Variants in ARL8B observed in about 807,000 individuals in gnomAD.
ARL8B encodes ARF like GTPase 8B.
A neutral mutation model predicts 30.6 loss-of-function variants in ARL8B; 9 were observed. That is an observed-to-expected ratio of 0.29 (90% CI 0.18 to 0.51). The LOEUF is 0.51. Ranked by LOEUF, ARL8B falls within the 20% of genes least tolerant of loss-of-function variation. The pLI is 0.97. For synonymous variants in ARL8B, 74 were observed against 76.0 expected (o/e 0.97, Z 0.14); for missense variants, 130 against 227.2 (o/e 0.57, Z 2.75).
chr3:5,164,348 TTC>T (rs564577936), intron 1 of ARL8B, among the ~76,000 whole-genome samples: 27 of 152,370 alleles, frequency 1.8e-4, no homozygotes, highest in Admixed American at 1.6e-3. Flanking sequence ...CTGATTTGTC[TTC>T]TGTTTTGAGA....
chr3:5,151,521 C>G (rs1443513108), intron 1 of ARL8B, among the ~76,000 whole-genome samples: 1 of 152,140 alleles, frequency 6.6e-6, no homozygotes, highest in Non-Finnish European at 1.5e-5. Flanking sequence ...TGACATGTTT[C>G]TCATTTAGTT....
intron 1 of ARL8B, among the ~76,000 whole-genome samples, chr3:5,145,000 G>C (rs2054406179): frequency 6.6e-6 from 1 of 152,192 alleles, no homozygotes; most frequent in African/African-American, 2.4e-5. Context: ...ATAATTCACA[G>C]GTTTGGGCCA....
Position 5,122,527 on chromosome 3 carries a change from T to C in ARL8B, c.62T>C (p.Met21Thr). The C allele has an allele frequency of 6.2e-7, 1 of 1,613,280 alleles. No homozygotes were observed. The highest frequency in any genetic ancestry group is 8.5e-7 in the Non-Finnish European group (1 of 1,179,642). ...CGTTCGCTCTTCTGGAAGGAAGAGA[T>C]GGAGCTGACGCTCGTGGGGCTGCAG... The part of the protein sequence containing the change: ...WFRSLFWKEE[M>T]ELTLVGLQYS... Residue 21 changes from methionine (M) to threonine (T), a missense_variant, in exon 1 of 7, where the codon ATG (methionine) becomes ACG (threonine). Coordinates refer to ENST00000256496, the MANE Select transcript of ARL8B (RefSeq NM_018184.3).
chr3:5,159,602 CAAAAAA>C (rs71053495), intron 1 of ARL8B, among the ~76,000 whole-genome samples: 20 of 77,068 alleles, frequency 2.6e-4, no homozygotes, highest in African/African-American at 8.0e-4. Flanking sequence ...AACTCCGTCT[CAAAAAA>C]AAAAAAAAAA....
intron 1 of ARL8B, among the ~76,000 whole-genome samples, chr3:5,150,593 G>C (rs1343001396): frequency 6.6e-6 from 1 of 150,804 alleles, no homozygotes. Flanking sequence ...GACCAGCCTG[G>C]CCAACATGGT....
At chr3:5,134,352 A>G (rs76861466) in intron 1 of ARL8B, among the ~76,000 whole-genome samples, 9,316 of 152,280 alleles carry the variant, frequency 0.061, 393 homozygotes, top group East Asian at 0.15. Flanking sequence ...TCTGCCCAGA[A>G]GAGGTCTTTA....
intron 1 of ARL8B, among the ~76,000 whole-genome samples, chr3:5,157,472 C>CA (rs1284403560): frequency 1.4e-5 from 2 of 143,366 alleles, no homozygotes; most frequent in Admixed American, 6.9e-5. Flanking sequence ...GAAGGAATCG[C>CA]AAAAAAACAA....
chr3:5,144,379 C>T lies in ARL8B; in HGVS notation c.123+21791C>T, dbSNP rs151008320. 7.4e-3 allele frequency among the ~76,000 whole-genome samples: 1,131 copies of T among 152,310 alleles called. 6 individuals carry two copies. Among genetic ancestry groups the T allele is most frequent in the Non-Finnish European group, 0.011 (754 of 68,028 alleles). ...CCTCCTGTGGCCTGTTTTCTAATCACCTTTTTGTTTATCCTTTGACAAGTT... is the reference window on the plus strand; with the variant it reads ...CCTCCTGTGGCCTGTTTTCTAATCATCTTTTTGTTTATCCTTTGACAAGTT... On this transcript the variant is annotated intron_variant, in intron 1 of 6. Transcript: ENST00000256496.
At chr3:5,125,288 G>C (rs992559210) in intron 1 of ARL8B, among the ~76,000 whole-genome samples, 3 of 152,082 alleles carry the variant, frequency 2.0e-5, no homozygotes, top group African/African-American at 4.8e-5. Flanking sequence ...GTAATTGGGC[G>C]TACCTGTTTA....
chr3:5,171,573 C>G (rs1482068306), intron 2 of ARL8B, among the ~76,000 whole-genome samples: 2 of 152,134 alleles, frequency 1.3e-5, no homozygotes, highest in South Asian at 2.1e-4. Flanking sequence ...GTCTCGAACT[C>G]CTGACCCCAA....
At chr3:5,123,412 T>C (rs2054201268) in intron 1 of ARL8B, among the ~76,000 whole-genome samples, 1 of 152,144 alleles carries the variant, frequency 6.6e-6, no homozygotes, top group African/African-American at 2.4e-5. Context: ...ACATAGAATG[T>C]GGTGTTTGTT....
At chr3:5,134,439 G>A (rs1310364423) in intron 1 of ARL8B, among the ~76,000 whole-genome samples, 4 of 152,220 alleles carry the variant, frequency 2.6e-5, no homozygotes, top group South Asian at 2.1e-4. Flanking sequence ...TGTCGAATTC[G>A]AAGAGTAATT....
At chr3:5,130,495 T>C (rs763971991) in intron 1 of ARL8B, among the ~76,000 whole-genome samples, 1 of 152,128 alleles carries the variant, frequency 6.6e-6, no homozygotes, top group Non-Finnish European at 1.5e-5. Context: ...CTTGGACCTA[T>C]TATAGTGGGA....
intron 1 of ARL8B, among the ~76,000 whole-genome samples, chr3:5,155,843 GT>G (rs368692409): frequency 0.088 from 11,325 of 128,456 alleles, 484 homozygotes; most frequent in East Asian, 0.13. Context: ...TTTTCTCAGT[GT>G]TTTTTTTTTG....
intron 1 of ARL8B, among the ~76,000 whole-genome samples, chr3:5,159,145 C>G (rs1485332480): frequency 1.3e-5 from 2 of 151,622 alleles, no homozygotes; most frequent in Admixed American, 1.3e-4. Context: ...GTACAAAATA[C>G]AAAAGTGAGC....
chr3:5,154,960 C>G (rs2106564106), intron 1 of ARL8B, among the ~76,000 whole-genome samples: 1 of 152,290 alleles, frequency 6.6e-6, no homozygotes, highest in Non-Finnish European at 1.5e-5. Context: ...GTCTCGAACT[C>G]CTGACCTCAA....
chr3:5,178,218 CT>C (rs913309682), intron 6 of ARL8B, among the ~76,000 whole-genome samples: 1 of 152,112 alleles, frequency 6.6e-6, no homozygotes, highest in Non-Finnish European at 1.5e-5. Context: ...TGTTTCATGC[CT>C]TTTAACATTC....
chr3:5,175,053 G>A (rs2054716681), intron 6 of ARL8B, among the ~76,000 whole-genome samples: 1 of 151,728 alleles, frequency 6.6e-6, no homozygotes, highest in South Asian at 2.1e-4. Context: ...CAACTGCCTC[G>A]GCCCCCCAAA....
chr3:5,143,155 C>G (rs1384340914), intron 1 of ARL8B, among the ~76,000 whole-genome samples: 3 of 152,136 alleles, frequency 2.0e-5, no homozygotes, highest in African/African-American at 7.2e-5. Flanking sequence ...ATCTTATAGT[C>G]TGGGGTGCTA....
Sources: allele counts gnomAD v4.1 joint callset (sites outside exome capture counted in the v4.1 genomes callset), GRCh38; gene constraint gnomAD v4.1.1; transcripts MANE v1.5; gene names NCBI Gene and HGNC (gene_info 2026-07-23, HGNC 2026-07-21).